The following CCDC150 variants were observed in gnomAD, a reference collection of about 807,000 sequenced individuals.
The protein encoded by CCDC150 is coiled-coil domain containing 150.
In CCDC150, 151 loss-of-function variants were observed where a neutral mutation model predicts 156.5. The observed-to-expected ratio is 0.97, with a 90% CI of 0.85 to 1.10. The LOEUF (loss-of-function observed/expected upper bound fraction) is 1.10. Among genes scored for constraint, CCDC150 ranks in the 50% least tolerant of loss-of-function variants. CCDC150 has a pLI of 0.00. For synonymous variants in CCDC150, 452 were observed against 429.4 expected (o/e 1.05, Z -0.65); for missense variants, 1,312 against 1,268.1 (o/e 1.03, Z -0.53).
At chr2:196,703,588 T>C (rs1171492895) in intron 15 of CCDC150, among the ~76,000 whole-genome samples, 1 of 152,160 alleles carries the variant, frequency 6.6e-6, no homozygotes, top group Non-Finnish European at 1.5e-5. Flanking sequence ...TAAAATAACT[T>C]TCCCCTTTCT....
At chr2:196,657,794 AT>A (rs1430538255) in intron 4 of CCDC150, among the ~76,000 whole-genome samples, 1 of 152,188 alleles carries the variant, frequency 6.6e-6, no homozygotes, top group Non-Finnish European at 1.5e-5. Flanking sequence ...GAAGTAGGAT[AT>A]TATTATCCCC....
At chr2:196,677,088 C>T in intron 12 of CCDC150, 1 of 695,192 alleles carries the variant, frequency 1.4e-6, no homozygotes, top group South Asian at 1.5e-5. Context: ...CAGAGTCTGA[C>T]ATGCAGACGT....
chr2:196,731,220 G>T (rs1426658626), intron 26 of CCDC150, among the ~76,000 whole-genome samples: 2 of 152,098 alleles, frequency 1.3e-5, no homozygotes, highest in Admixed American at 6.6e-5. Flanking sequence ...AGACCAGCAT[G>T]TGTGTGGATT....
At chr2:196,667,334 A>G (rs531318091) in intron 7 of CCDC150, 1 of 166,534 alleles carries the variant, frequency 6.0e-6, no homozygotes, top group Middle Eastern at 3.1e-3. Context: ...GAGAGCTTAG[A>G]TTAATCTCCT....
intron 5 of CCDC150, among the ~76,000 whole-genome samples, chr2:196,663,608 C>A (rs1238600369): frequency 6.6e-6 from 1 of 151,910 alleles, no homozygotes; most frequent in Non-Finnish European, 1.5e-5. Flanking sequence ...TTCAGGAGAG[C>A]AGTATTTACA....
intron 6 of CCDC150, 23 bp downstream of exon 6, chr2:196,665,706 T>C (rs1693806599): frequency 6.9e-7 from 1 of 1,441,844 alleles, no homozygotes; most frequent in Non-Finnish European, 9.5e-7. Flanking sequence ...CTTCTCCTTA[T>C]GTGGTTTGGG....
intron 2 of CCDC150, among the ~76,000 whole-genome samples, chr2:196,653,470 AGT>A (rs1692999292): frequency 6.6e-6 from 1 of 152,190 alleles, no homozygotes; most frequent in Non-Finnish European, 1.5e-5. Context: ...AGTGCAGCCA[AGT>A]TCTTTGCTAG....
intron 22 of CCDC150, 80 bp downstream of exon 22, chr2:196,726,179 G>C: frequency 2.6e-6 from 4 of 1,511,190 alleles, no homozygotes; most frequent in Non-Finnish European, 2.7e-6. Context: ...AATGGCTACA[G>C]TTGTTCTTTG....
At chr2:196,649,774 A>C (rs1038666220) in intron 2 of CCDC150, among the ~76,000 whole-genome samples, 1 of 152,114 alleles carries the variant, frequency 6.6e-6, no homozygotes, top group Admixed American at 6.6e-5. Context: ...AAATGGGATT[A>C]TTTTCTTAAT....
rs147397348 is a variant in CCDC150, at chr2:196,714,697, A to G, written c.1866+1958A>G. On this transcript the variant is annotated intron_variant, in intron 17 of 27. Coordinates refer to ENST00000389175, the MANE Select transcript of CCDC150 (RefSeq NM_001080539.2). ...ATCCAGCTTTAGGAAATCAGCATGA[A>G]TTGGCCTTAGGTTCCCTGCCTCCAG... is the stretch of plus-strand genomic sequence containing the variant. 2.7e-4 allele frequency among the ~76,000 whole-genome samples: 41 copies of G among 152,162 alleles called. No homozygotes were observed. The East Asian group carries it at 7.7e-3, about 29-fold the overall frequency.
intron 13 of CCDC150, among the ~76,000 whole-genome samples, chr2:196,684,208 G>T (rs1695001444): frequency 6.6e-6 from 1 of 151,980 alleles, no homozygotes; most frequent in Non-Finnish European, 1.5e-5. Context: ...TTCCCTCTCT[G>T]CACTGCTTTA....
At position 196,675,964 on chromosome 2, in the gene CCDC150, CAG is replaced by C. The variant is rs540889952; in HGVS notation, c.1138-176_1138-175del. 2.6e-3 allele frequency among the ~76,000 whole-genome samples: 396 copies of C among 152,162 alleles called. 2 individuals carry two copies. The highest frequency in any genetic ancestry group is 9.0e-3 in the African/African-American group (374 of 41,540). On this transcript the variant is annotated intron_variant, in intron 10 of 27. Coordinates refer to ENST00000389175, the MANE Select transcript of CCDC150 (RefSeq NM_001080539.2). ...TATAAAATGATAGAACTAGTCAACTCAGAGGAGGACAAAGAGAAACTGGGCAT... is the reference window on the plus strand; with the variant it reads ...TATAAAATGATAGAACTAGTCAACTCAGGAGGACAAAGAGAAACTGGGCAT...
intron 1 of CCDC150, among the ~76,000 whole-genome samples, chr2:196,645,347 C>G (rs953198453): frequency 2.6e-5 from 4 of 152,220 alleles, no homozygotes; most frequent in African/African-American, 9.6e-5. Flanking sequence ...GTGGACCCCC[C>G]TTTCACTTCC....
intron 13 of CCDC150, among the ~76,000 whole-genome samples, chr2:196,687,450 A>G (rs113934044): frequency 0.11 from 17,370 of 152,158 alleles, 1,102 homozygotes; most frequent in Middle Eastern, 0.19. Context: ...CTTTTTGCCC[A>G]CTGTTTAATG....
At chr2:196,686,240 ATTTAC>A (rs1695119576) in intron 13 of CCDC150, 1 of 278,722 alleles carries the variant, frequency 3.6e-6, no homozygotes, top group African/African-American at 2.3e-5. Context: ...TCTCCTGGGA[ATTTAC>A]TTTATGTCAG....
At chr2:196,717,629 C>T (rs886640727) in intron 17 of CCDC150, among the ~76,000 whole-genome samples, 1 of 152,114 alleles carries the variant, frequency 6.6e-6, no homozygotes, top group Non-Finnish European at 1.5e-5. Context: ...TGGTTTCTCG[C>T]GCCTGTAACC....
intron 26 of CCDC150, among the ~76,000 whole-genome samples, 194 bp from the exon 27 acceptor site, chr2:196,731,839 G>A (rs1382974238): frequency 6.6e-6 from 1 of 152,104 alleles, no homozygotes; most frequent in East Asian, 1.9e-4. Context: ...AAGTCTGCAT[G>A]CATTCTTTAA....
intron 1 of CCDC150, among the ~76,000 whole-genome samples, chr2:196,645,715 G>C (rs1258461417): frequency 6.6e-6 from 1 of 152,184 alleles, no homozygotes; most frequent in East Asian, 1.9e-4. Flanking sequence ...GTCAATAGCT[G>C]TAGAAAGGTC....
intron 26 of CCDC150, among the ~76,000 whole-genome samples, chr2:196,731,410 C>G (rs1387262000): frequency 8.3e-6 from 1 of 121,208 alleles, no homozygotes; most frequent in East Asian, 2.4e-4. Flanking sequence ...TTTTTTTTTC[C>G]AAGACAGGGT....
Sources: gnomAD v4.1 joint callset for allele counts (sites outside exome capture counted in the v4.1 genomes callset) on GRCh38, gnomAD v4.1.1 for gene constraint, MANE v1.5 for transcripts, NCBI Gene and HGNC (gene_info 2026-07-23, HGNC 2026-07-21) for gene names.